The following BLTP3A variants were observed in gnomAD, a reference collection of about 807,000 sequenced individuals.
The protein encoded by BLTP3A is ICBP90 binding protein 1.
chr6:34,830,327 G>A, the BLTP3A span, among the ~76,000 whole-genome samples: 3 of 151,692 alleles, frequency 2.0e-5, no homozygotes, highest in Non-Finnish European at 4.4e-5. Flanking sequence ...GGTGACTCAC[G>A]CCTGTAATCC....
the BLTP3A span, chr6:34,856,178 G>A: frequency 8.4e-5 from 131 of 1,566,832 alleles, 3 homozygotes; most frequent in South Asian, 1.5e-3. Context: ...TGACAGAAAG[G>A]AAAAATTGGA....
the BLTP3A span, among the ~76,000 whole-genome samples, chr6:34,809,634 C>T: frequency 4.6e-5 from 7 of 152,090 alleles, no homozygotes; most frequent in South Asian, 4.1e-4. Context: ...GCTGTGATCT[C>T]AGCTCACTGC....
At chr6:34,866,156 G>T in the BLTP3A span, among the ~76,000 whole-genome samples, 2 of 152,176 alleles carry the variant, frequency 1.3e-5, no homozygotes, top group Non-Finnish European at 2.9e-5. Context: ...CCTCACGCGT[G>T]TAATCCCAGC....
the BLTP3A span, among the ~76,000 whole-genome samples, chr6:34,829,027 CAAAAA>C: frequency 5.9e-5 from 3 of 50,726 alleles, no homozygotes; most frequent in Non-Finnish European, 9.6e-5. Context: ...AACTCCATCT[CAAAAA>C]AAAAAAAAAA....
At chr6:34,870,888 T>C in the BLTP3A span, 17 of 1,614,240 alleles carry the variant, frequency 1.1e-5, no homozygotes, top group Non-Finnish European at 1.4e-5. Context: ...CTTTGAAGAC[T>C]GGCCACATCA....
At chr6:34,797,849 AAAGTT>A in the BLTP3A span, among the ~76,000 whole-genome samples, 2 of 152,254 alleles carry the variant, frequency 1.3e-5, no homozygotes, top group Non-Finnish European at 2.9e-5. Flanking sequence ...GAAGCACAGA[AAAGTT>A]AAATAACTTA....
At chr6:34,821,395 C>T in the BLTP3A span, 6 of 356,088 alleles carry the variant, frequency 1.7e-5, no homozygotes, top group East Asian at 2.5e-4. Flanking sequence ...TAGGTCTCAC[C>T]TAACATCTTA....
the BLTP3A span, among the ~76,000 whole-genome samples, chr6:34,792,799 A>C: frequency 6.6e-6 from 1 of 151,764 alleles, no homozygotes; most frequent in Non-Finnish European, 1.5e-5. Context: ...GTTCTAAATA[A>C]CCCTGCTACC....
the BLTP3A span, chr6:34,822,091 G>C: frequency 9.5e-7 from 1 of 1,056,430 alleles, no homozygotes; most frequent in Non-Finnish European, 1.4e-6. Context: ...GCTTCTCTCT[G>C]AGACAGTGTG....
the BLTP3A span, among the ~76,000 whole-genome samples, chr6:34,803,904 A>G: frequency 1.3e-5 from 2 of 152,034 alleles, no homozygotes; most frequent in Admixed American, 1.3e-4. Context: ...TTCTCAGATA[A>G]ACCTGTTTTT....
the BLTP3A span, chr6:34,859,237 G>C: frequency 6.2e-7 from 1 of 1,614,090 alleles, no homozygotes; most frequent in African/African-American, 1.3e-5. Flanking sequence ...AGGTCCACTT[G>C]CCCAGCAGCT....
At chr6:34,797,807 G>A in the BLTP3A span, among the ~76,000 whole-genome samples, 72,317 of 152,076 alleles carry the variant, frequency 0.48, 20,398 homozygotes, top group African/African-American at 0.8. Context: ...CCTATGAGGT[G>A]CATATTAGGC....
chr6:34,871,841 A>C, the BLTP3A span: 1 of 1,614,222 alleles, frequency 6.2e-7, no homozygotes, highest in Non-Finnish European at 8.5e-7. Flanking sequence ...ACAAACCATC[A>C]GCTGAAGTAC....
the BLTP3A span, chr6:34,875,500 C>A: frequency 6.6e-6 from 1 of 152,262 alleles, no homozygotes; most frequent in South Asian, 2.1e-4. Flanking sequence ...ATAGGCATTT[C>A]TTGGTATAAT....
chr6:34,857,264 A>G, the BLTP3A span: 1 of 1,584,726 alleles, frequency 6.3e-7, no homozygotes, highest in Non-Finnish European at 8.6e-7. Flanking sequence ...TATGCTTCCT[A>G]AGCAGAAATG....
chr6:34,834,977 G>A, the BLTP3A span: 141 of 1,288,340 alleles, frequency 1.1e-4, 1 homozygote, highest in South Asian at 1.8e-3. Context: ...CAGTTGAAGG[G>A]GGAAGGCCTG....
At chr6:34,857,959 A>G in the BLTP3A span, 1 of 1,595,294 alleles carries the variant, frequency 6.3e-7, no homozygotes, top group Non-Finnish European at 8.6e-7. Flanking sequence ...TAGTAGCCAC[A>G]GCTGCATTTT....
At chr6:34,859,190 A>T in the BLTP3A span, 86 of 1,614,042 alleles carry the variant, frequency 5.3e-5, no homozygotes, top group South Asian at 1.3e-4. Flanking sequence ...GATGTATCCC[A>T]GGAGAGGCCA....
the BLTP3A span, among the ~76,000 whole-genome samples, chr6:34,822,605 C>T: frequency 3.9e-5 from 6 of 152,164 alleles, no homozygotes; most frequent in South Asian, 1.2e-3. Context: ...GCTGTAATGC[C>T]AGCACTTTGG....
Sources: gnomAD v4.1 joint callset for allele counts (sites outside exome capture counted in the v4.1 genomes callset) on GRCh38, gnomAD v4.1.1 for gene constraint, MANE v1.5 for transcripts, NCBI Gene and HGNC (gene_info 2026-07-23, HGNC 2026-07-21) for gene names.